NCOA2: variants seen among roughly 807,000 people sequenced by gnomAD.
The protein encoded by NCOA2 is nuclear receptor coactivator 2, also known as class E basic helix-loop-helix protein 75.
In NCOA2, 21 loss-of-function variants were observed where a neutral mutation model predicts 145.1. The observed-to-expected ratio is 0.14, with a 90% CI of 0.10 to 0.21. The LOEUF is 0.21. Ranked by LOEUF, NCOA2 falls within the 10% of genes least tolerant of loss-of-function variation. NCOA2 has a pLI of 1.00. For synonymous variants in NCOA2, 619 were observed against 637.5 expected (o/e 0.97, Z 0.44); for missense variants, 1,472 against 1,837.6 (o/e 0.80, Z 3.64).
intron 2 of NCOA2, among the ~76,000 whole-genome samples, chr8:70,255,714 TCTC>T (rs1186372993): frequency 2.0e-5 from 3 of 152,024 alleles, no homozygotes; most frequent in Non-Finnish European, 2.9e-5. Context: ...GCCTCTCAAT[TCTC>T]CTCAACACAG....
chr8:70,193,765 G>A (rs955712311), intron 4 of NCOA2, among the ~76,000 whole-genome samples: 1 of 152,132 alleles, frequency 6.6e-6, no homozygotes, highest in Non-Finnish European at 1.5e-5. Context: ...ATCTAATGTA[G>A]ACAGGCTTAA....
chr8:70,441,004 G>A, the NCOA2 span, among the ~76,000 whole-genome samples: 31 of 129,106 alleles, frequency 2.4e-4, no homozygotes, highest in African/African-American at 9.0e-4. Context: ...AGATAGAAAG[G>A]AAAGAAATTT....
chr8:70,326,906 C>A (rs924239050), intron 1 of NCOA2, among the ~76,000 whole-genome samples: 5 of 152,190 alleles, frequency 3.3e-5, no homozygotes, highest in Non-Finnish European at 7.3e-5. Context: ...AAGGCCTCAG[C>A]TACCTTACTG....
At chr8:70,326,930 T>C (rs1053987898) in intron 1 of NCOA2, among the ~76,000 whole-genome samples, 10 of 152,218 alleles carry the variant, frequency 6.6e-5, no homozygotes, top group African/African-American at 2.4e-4. Context: ...TTCTAATACA[T>C]AACTTATCTC....
At chr8:70,307,940 A>T (rs951008756) in intron 1 of NCOA2, among the ~76,000 whole-genome samples, 1 of 152,236 alleles carries the variant, frequency 6.6e-6, no homozygotes, top group Non-Finnish European at 1.5e-5. Flanking sequence ...GTAACATACT[A>T]AACTGGCTGC....
the NCOA2 span, among the ~76,000 whole-genome samples, chr8:70,439,319 A>C: frequency 2.0e-5 from 3 of 152,112 alleles, no homozygotes; most frequent in African/African-American, 7.2e-5. Context: ...GCATGGACAA[A>C]GTGTAGCGGT....
At chr8:70,145,318 C>T (rs761252704) in intron 12 of NCOA2, among the ~76,000 whole-genome samples, 12 of 23,884 alleles carry the variant, frequency 5.0e-4, no homozygotes, top group Non-Finnish European at 8.1e-4. Flanking sequence ...CTACCATGCC[C>T]GGCTAATTTT....
intron 4 of NCOA2, among the ~76,000 whole-genome samples, chr8:70,208,566 C>T (rs779841957): frequency 1.7e-4 from 26 of 152,160 alleles, no homozygotes; most frequent in Non-Finnish European, 3.4e-4. Flanking sequence ...CGCCTCATTT[C>T]GAAGCTTGAA....
At chr8:70,200,983 G>A (rs868108195) in intron 4 of NCOA2, among the ~76,000 whole-genome samples, 9 of 150,556 alleles carry the variant, frequency 6.0e-5, no homozygotes, top group South Asian at 2.1e-4. Flanking sequence ...AGGAAGTCAA[G>A]GGGCTGCGGT....
At chr8:70,346,790 T>G (rs1808698128) in intron 1 of NCOA2, among the ~76,000 whole-genome samples, 1 of 152,212 alleles carries the variant, frequency 6.6e-6, no homozygotes, top group South Asian at 2.1e-4. Context: ...AAACCTAACT[T>G]TTGTAAATGA....
chr8:70,292,549 GA>G (rs199760603), intron 2 of NCOA2, among the ~76,000 whole-genome samples: 14,709 of 101,292 alleles, frequency 0.15, 1,030 homozygotes, highest in East Asian at 0.42. Flanking sequence ...TCCATCTCAG[GA>G]AAAAAAAAAA....
intron 1 of NCOA2, among the ~76,000 whole-genome samples, chr8:70,305,445 T>C (rs1349562541): frequency 2.0e-5 from 3 of 152,168 alleles, no homozygotes; most frequent in African/African-American, 7.2e-5. Flanking sequence ...ACACAAAGCA[T>C]GTACGAGGGC....
At chr8:70,134,456 T>A (rs1426978959) in intron 15 of NCOA2, among the ~76,000 whole-genome samples, 1 of 152,226 alleles carries the variant, frequency 6.6e-6, no homozygotes, top group Non-Finnish European at 1.5e-5. Context: ...TTTCTTTACC[T>A]AGATTTTGTC....
chr8:70,311,261 T>A (rs955770145), intron 1 of NCOA2, among the ~76,000 whole-genome samples: 3 of 152,276 alleles, frequency 2.0e-5, no homozygotes, highest in Admixed American at 6.5e-5. Flanking sequence ...GAAAATATTT[T>A]AAAAGGAATA....
the NCOA2 span, among the ~76,000 whole-genome samples, chr8:70,423,174 G>T: frequency 3.3e-5 from 5 of 151,894 alleles, no homozygotes; most frequent in African/African-American, 9.7e-5. Context: ...TTTTCTTGTG[G>T]TTTTTTGTTT....
chr8:70,202,738 A>G, intron 4 of NCOA2, among the ~76,000 whole-genome samples: 1 of 152,208 alleles, frequency 6.6e-6, no homozygotes, highest in South Asian at 2.1e-4. Context: ...ATGCAAGATG[A>G]AATTCTAGAG....
At chr8:70,144,120 A>C (rs892117286) in intron 13 of NCOA2, among the ~76,000 whole-genome samples, 1 of 152,240 alleles carries the variant, frequency 6.6e-6, no homozygotes, top group African/African-American at 2.4e-5. Context: ...AACTTCCTAC[A>C]TCTTCAAAAG....
chr8:70,392,994 G>A (rs2131642541), intron 1 of NCOA2, among the ~76,000 whole-genome samples: 1 of 152,290 alleles, frequency 6.6e-6, no homozygotes, highest in East Asian at 1.9e-4. Flanking sequence ...AAGGAAATAG[G>A]AAGGAGATGG....
At chr8:70,436,118 C>A in the NCOA2 span, among the ~76,000 whole-genome samples, 1 of 152,102 alleles carries the variant, frequency 6.6e-6, no homozygotes, top group East Asian at 1.9e-4. Flanking sequence ...AAACTAGATA[C>A]CAAAACAAAA....
Sources: allele counts gnomAD v4.1 joint callset (sites outside exome capture counted in the v4.1 genomes callset), GRCh38; gene constraint gnomAD v4.1.1; transcripts MANE v1.5; gene names NCBI Gene and HGNC (gene_info 2026-07-23, HGNC 2026-07-21).